The following EML4 variants were observed in gnomAD, a reference collection of about 807,000 sequenced individuals.
EML4 encodes the protein echinoderm microtubule-associated protein-like 4.
EML4 carries 72 observed loss-of-function variants against 129.0 expected under a neutral mutation model. The observed-to-expected ratio is 0.56, with a 90% confidence interval of 0.46 to 0.68. EML4 has a LOEUF of 0.68. EML4 is among the 30% of genes least tolerant of loss of function. The pLI is 0.00. For synonymous variants in EML4, 532 were observed against 405.0 expected, an observed-to-expected ratio of 1.31 and a Z score of -3.77; for missense variants, 1,363 against 1,190.6, an observed-to-expected ratio of 1.14 and a Z score of -2.13.
At chr2:42,315,893 A>G (rs1669219409) in intron 17 of EML4, 69 bp from the exon 18 acceptor site, 2 of 1,230,896 alleles carry the variant, frequency 1.6e-6, no homozygotes, top group Non-Finnish European at 2.4e-6. Flanking sequence ...AAAAAAAAGA[A>G]AAAGAACAAC....
chr2:42,234,368 A>G (rs1674530519), intron 1 of EML4, among the ~76,000 whole-genome samples: 2 of 152,210 alleles, frequency 1.3e-5, no homozygotes, highest in South Asian at 4.1e-4. Flanking sequence ...GAACTGGTTT[A>G]TATTGCTTAC....
chr2:42,217,206 A>T (rs1673248864), intron 1 of EML4, among the ~76,000 whole-genome samples: 2 of 152,150 alleles, frequency 1.3e-5, no homozygotes, highest in South Asian at 4.1e-4. Flanking sequence ...TATGAATTTT[A>T]TTTGTTTTTG....
intron 6 of EML4, among the ~76,000 whole-genome samples, chr2:42,275,120 T>G (rs902706971): frequency 1.3e-5 from 2 of 152,184 alleles, no homozygotes; most frequent in African/African-American, 2.4e-5. Flanking sequence ...TAATTGAAAT[T>G]TTTCTAGTCA....
intron 2 of EML4, among the ~76,000 whole-genome samples, chr2:42,255,555 T>A (rs1313045614): frequency 6.6e-6 from 1 of 152,318 alleles, no homozygotes; most frequent in South Asian, 2.1e-4. Context: ...GCTACTGATA[T>A]AACAATAAGT....
chr2:42,225,481 G>A (rs1293079884), intron 1 of EML4, among the ~76,000 whole-genome samples: 1 of 152,116 alleles, frequency 6.6e-6, no homozygotes, highest in African/African-American at 2.4e-5. Flanking sequence ...TGGATTGCTG[G>A]ATTGTAGGCC....
Position 42,245,548 on chromosome 2 carries a change from C to T in EML4, c.69C>T (p.Arg23=). Residue 23 remains arginine, a synonymous_variant, in exon 2 of 23, where the codon CGC becomes CGT. Transcript: ENST00000318522. ...CAAGTACTTCTGATGTTCAAGATCG[C>T]CTGTCAGCTCTTGAGTCACGAGTTC... ...SAASTSDVQD[R]LSALESRVQQ... is the part of the protein sequence containing the mutation. 1 of 1,613,590 alleles carries T rather than the reference C, an allele frequency of 6.2e-7. No homozygotes were observed. The highest frequency in any genetic ancestry group is 8.5e-7 in the Non-Finnish European group (1 of 1,179,760).
At chr2:42,289,710 C>T (rs911714055) in intron 11 of EML4, 2 of 152,154 alleles carry the variant, frequency 1.3e-5, no homozygotes, top group African/African-American at 4.8e-5. Context: ...GTTCTCTAAA[C>T]ACCGTGTCCC....
chr2:42,245,730 T>C (rs893703369), intron 2 of EML4, 43 bp downstream of exon 2: 5 of 1,498,362 alleles, frequency 3.3e-6, no homozygotes, highest in Admixed American at 2.3e-5. Flanking sequence ...CTTTTTGCAA[T>C]ATTTTCTTTG....
At chr2:42,264,682 G>T in intron 5 of EML4, 24 bp from the exon 6 acceptor site, 1 of 1,307,282 alleles carries the variant, frequency 7.6e-7, no homozygotes, top group Non-Finnish European at 1.1e-6. Context: ...TAAAATAAAT[G>T]TGTTTCTTAA....
chr2:42,229,799 A>T (rs1159908678), intron 1 of EML4, among the ~76,000 whole-genome samples: 1 of 152,126 alleles, frequency 6.6e-6, no homozygotes, highest in Non-Finnish European at 1.5e-5. Flanking sequence ...GGTTGGGCTA[A>T]ATCTCTAAAA....
chr2:42,208,230 G>C (rs1422425142), intron 1 of EML4: 6 of 152,088 alleles, frequency 3.9e-5, no homozygotes, highest in African/African-American at 1.2e-4. Flanking sequence ...TGAGTATTCA[G>C]ATTTTGAGAT....
intron 6 of EML4, among the ~76,000 whole-genome samples, chr2:42,272,603 C>G (rs1036888756): frequency 6.6e-6 from 1 of 152,108 alleles, no homozygotes; most frequent in Non-Finnish European, 1.5e-5. Flanking sequence ...AGATTTCTAA[C>G]TATGAAAATA....
chr2:42,328,612 A>T (rs1669934563), intron 21 of EML4, among the ~76,000 whole-genome samples: 1 of 152,210 alleles, frequency 6.6e-6, no homozygotes, highest in African/African-American at 2.4e-5. Flanking sequence ...ATAAATTATT[A>T]GCACCACCTG....
intron 3 of EML4, 52 bp from the exon 4 acceptor site, chr2:42,261,069 T>A (rs1447000672): frequency 7.3e-7 from 1 of 1,365,260 alleles, no homozygotes; most frequent in African/African-American, 1.5e-5. Flanking sequence ...TCGTTTGATT[T>A]TTTTTCATTT....
chr2:42,224,740 G>C (rs1673842983), intron 1 of EML4, among the ~76,000 whole-genome samples: 1 of 152,004 alleles, frequency 6.6e-6, no homozygotes, highest in South Asian at 2.1e-4. Flanking sequence ...CATCCTGATG[G>C]TGTGAAGTGG....
intron 6 of EML4, among the ~76,000 whole-genome samples, chr2:42,266,087 G>A (rs1666048670): frequency 6.6e-6 from 1 of 152,124 alleles, no homozygotes; most frequent in Non-Finnish European, 1.5e-5. Flanking sequence ...CGTGGTTAAA[G>A]CTTTTTTTAG....
At chr2:42,180,387 A>G (rs978094820) in intron 1 of EML4, among the ~76,000 whole-genome samples, 1 of 152,174 alleles carries the variant, frequency 6.6e-6, no homozygotes, top group African/African-American at 2.4e-5. Context: ...TCACATAACA[A>G]TGTGGATGTT....
intron 7 of EML4, 47 bp downstream of exon 7, chr2:42,281,020 T>G: frequency 6.8e-7 from 1 of 1,461,662 alleles, no homozygotes; most frequent in East Asian, 2.4e-5. Flanking sequence ...TTGTCTCTAG[T>G]TAACAAATCA....
At chr2:42,191,126 A>G (rs1671556581) in intron 1 of EML4, among the ~76,000 whole-genome samples, 1 of 152,256 alleles carries the variant, frequency 6.6e-6, no homozygotes, top group Non-Finnish European at 1.5e-5. Context: ...GTTGAATAGT[A>G]AGCCCTGATA....
Sources: gnomAD v4.1 joint callset for allele counts (sites outside exome capture counted in the v4.1 genomes callset) on GRCh38, gnomAD v4.1.1 for gene constraint, MANE v1.5 for transcripts, NCBI Gene and HGNC (gene_info 2026-07-23, HGNC 2026-07-21) for gene names.